LAMA2: variants seen among roughly 807,000 people sequenced by gnomAD.
LAMA2 encodes laminin subunit alpha 2.
A neutral mutation model predicts 364.8 loss-of-function variants in LAMA2; 269 were observed. That is an observed-to-expected ratio of 0.74 (90% CI 0.67 to 0.82). The LOEUF is 0.82. Ranked by LOEUF, LAMA2 falls within the 40% of genes least tolerant of loss-of-function variation. LAMA2 has a pLI of 0.00. For missense variants in LAMA2, 3,807 were observed against 3,873.2 expected (o/e 0.98, Z 0.45); for synonymous variants, 1,379 against 1,370.6 (o/e 1.01, Z -0.14).
intron 12 of LAMA2, among the ~76,000 whole-genome samples, chr6:129,228,285 G>T (rs1286735489): frequency 6.6e-6 from 1 of 152,102 alleles, no homozygotes; most frequent in Non-Finnish European, 1.5e-5. Flanking sequence ...TCCCGGGTGA[G>T]GTGATGCCTC....
intron 1 of LAMA2, among the ~76,000 whole-genome samples, chr6:128,983,308 AC>A (rs918169657): frequency 6.6e-6 from 1 of 151,938 alleles, no homozygotes; most frequent in Non-Finnish European, 1.5e-5. Context: ...TGCCATTCTA[AC>A]TGGTGTGAGA....
chr6:129,036,947 G>T (rs1018304766), intron 1 of LAMA2, among the ~76,000 whole-genome samples: 1 of 152,174 alleles, frequency 6.6e-6, no homozygotes, highest in African/African-American at 2.4e-5. Flanking sequence ...CTAGCTGTCT[G>T]CAGTGCACAG....
At chr6:129,302,846 T>C (rs1033588229) in intron 22 of LAMA2, among the ~76,000 whole-genome samples, 4 of 152,158 alleles carry the variant, frequency 2.6e-5, no homozygotes, top group Non-Finnish European at 5.9e-5. Flanking sequence ...AGTTAATATG[T>C]TAATTATTGT....
intron 39 of LAMA2, among the ~76,000 whole-genome samples, chr6:129,403,294 A>G (rs1562532378): frequency 6.6e-6 from 1 of 152,218 alleles, no homozygotes; most frequent in Non-Finnish European, 1.5e-5. Context: ...GCCACTTTAT[A>G]ATGAAGGGTG....
intron 1 of LAMA2, among the ~76,000 whole-genome samples, chr6:128,922,138 T>C (rs1166979138): frequency 6.6e-6 from 1 of 152,116 alleles, no homozygotes; most frequent in African/African-American, 2.4e-5. Flanking sequence ...TCCAAGTCTT[T>C]GCTATTGTGA....
At chr6:128,938,357 A>G (rs771910831) in intron 1 of LAMA2, among the ~76,000 whole-genome samples, 9 of 152,196 alleles carry the variant, frequency 5.9e-5, no homozygotes, top group Non-Finnish European at 1.2e-4. Flanking sequence ...CTAATGTTTT[A>G]TGAGGTCCTT....
chr6:128,969,480 G>A (rs1355007894), intron 1 of LAMA2, among the ~76,000 whole-genome samples: 1 of 152,012 alleles, frequency 6.6e-6, no homozygotes, highest in East Asian at 1.9e-4. Flanking sequence ...TGCCCAGGCT[G>A]GAGTGTAGTG....
At chr6:129,042,386 C>A (rs1408867271) in intron 1 of LAMA2, among the ~76,000 whole-genome samples, 1 of 151,934 alleles carries the variant, frequency 6.6e-6, no homozygotes, top group Non-Finnish European at 1.5e-5. Context: ...CATATCTATC[C>A]ATCTGAACAT....
Position 129,177,841 on chromosome 6 carries a change from C to T in LAMA2, c.1442C>T (p.Pro481Leu), listed in dbSNP as rs1562304377. ...CSGLGSKNEDPCFGPCICKEN... is the reference protein window; with the variant it reads ...CSGLGSKNEDLCFGPCICKEN... ...GGGTTAGGGAGCAAAAATGAGGATCCTTGTTTTGGCCCCTGTATCTGCAAG... is the reference window on the plus strand; with the variant it reads ...GGGTTAGGGAGCAAAAATGAGGATCTTTGTTTTGGCCCCTGTATCTGCAAG... The change falls in exon 10 of 65, where the codon CCT becomes CTT. Residue 481 changes from proline to leucine, a missense_variant. This residue lies in a region of LAMA2 where 3,333 missense variants were observed against 3,345.7 expected (regional missense o/e 1.00). Coordinates refer to ENST00000421865, the MANE Select transcript of LAMA2 (RefSeq NM_000426.4). The T allele has an allele frequency of 1.2e-6, 2 of 1,613,874 alleles. No individual in the cohort carries two copies. Among genetic ancestry groups the T allele is most frequent in the African/African-American group, 1.3e-5 (1 of 75,014 alleles).
Position 129,320,236 on chromosome 6 carries a change from C to T in LAMA2, c.4059-302C>T, listed in dbSNP as rs550457828. 6.6e-5 allele frequency among the ~76,000 whole-genome samples: 10 copies of T among 152,140 alleles called. No individual in the cohort carries two copies. In the East Asian group the frequency reaches 1.4e-3, roughly 21 times the overall value. On this transcript the variant is annotated intron_variant, in intron 27 of 64. Coordinates refer to ENST00000421865, the MANE Select transcript of LAMA2 (RefSeq NM_000426.4). Reference sequence around the variant, plus strand: ...GGATCATTGTAAAGGTCTTCATCCTCGTTGTCTTCATTTTGAGCAGACTAA... The same window carrying T: ...GGATCATTGTAAAGGTCTTCATCCTTGTTGTCTTCATTTTGAGCAGACTAA...
At position 129,142,515 on chromosome 6, in the gene LAMA2, A is replaced by C. The variant is rs180961681; in HGVS notation, c.640-1386A>C. Among the ~76,000 whole-genome samples, 3 of 152,150 alleles carry C rather than the reference A, an allele frequency of 2.0e-5. No individual in the cohort carries two copies. The East Asian group carries it at 5.8e-4, about 29-fold the overall frequency. ...CATCACATTTGGGATTAGGGTTTCA[A>C]CATATGAATTTTAGTAGGGGGGAGG... On this transcript the variant is annotated intron_variant, in intron 4 of 64. Coordinates refer to ENST00000421865, the MANE Select transcript of LAMA2 (RefSeq NM_000426.4).
chr6:129,277,626 A>G (rs748640549), intron 17 of LAMA2, among the ~76,000 whole-genome samples: 6 of 152,174 alleles, frequency 3.9e-5, no homozygotes, highest in Non-Finnish European at 8.8e-5. Flanking sequence ...TAAGAATCTA[A>G]AGTCCTAGAT....
At chr6:129,223,829 C>CT (rs1402881731) in intron 12 of LAMA2, among the ~76,000 whole-genome samples, 1 of 152,058 alleles carries the variant, frequency 6.6e-6, no homozygotes, top group Non-Finnish European at 1.5e-5. Context: ...AATGTGGGCT[C>CT]TTTTTTGGTT....
intron 8 of LAMA2, among the ~76,000 whole-genome samples, chr6:129,159,450 G>A (rs1779328564): frequency 6.6e-6 from 1 of 152,234 alleles, no homozygotes. Context: ...GGGTGATGGA[G>A]GCGCCCCGGC....
intron 12 of LAMA2, among the ~76,000 whole-genome samples, chr6:129,210,613 ATG>A (rs1478139112): frequency 2.0e-5 from 3 of 152,192 alleles, no homozygotes; most frequent in Non-Finnish European, 4.4e-5. Flanking sequence ...CTTTCTGAAT[ATG>A]TGTTAACAGT....
chr6:129,078,193 G>A (rs760761482), intron 3 of LAMA2, among the ~76,000 whole-genome samples: 42 of 151,724 alleles, frequency 2.8e-4, no homozygotes, highest in African/African-American at 4.4e-4. Context: ...GGAGTGCAGT[G>A]GCACAATGTC....
rs773403088 is a variant in LAMA2 at position 129,514,510 on chromosome 6, T to C, written c.9126T>C (p.Asp3042=). ...AACACCGCATTGAGCTCACAGTCGA[T>C]GGGAACCAGGTGGAAGCCCAAAGCC... ...KIKHRIELTV[D]GNQVEAQSPN... is the part of the protein sequence containing the mutation. Residue 3042 remains aspartate (D), a synonymous_variant, in exon 64 of 65, where the codon GAT becomes GAC. Transcript: ENST00000421865. The C allele has an allele frequency of 6.2e-7, 1 of 1,614,094 alleles. No individual in the cohort carries two copies. The highest frequency in any genetic ancestry group is 8.5e-7 in the Non-Finnish European group (1 of 1,179,990).
At position 129,502,466 on chromosome 6, in the gene LAMA2, T is replaced by C. The variant is rs7774592; in HGVS notation, c.8245-193T>C. ...TTCCTTTAGCCATTCCAGGGTGTGA[T>C]ATGAGAAAACTGATTCACACGCACT... On this transcript the variant is annotated intron_variant, in intron 58 of 64. Transcript: ENST00000421865. Among the ~76,000 whole-genome samples, 101,922 of 152,122 alleles carry C rather than the reference T, an allele frequency of 0.67. 34,776 individuals are homozygous for C. The highest frequency in any genetic ancestry group is 0.76 in the Middle Eastern group (224 of 294).
At chr6:129,311,460 C>A (rs1774227042) in intron 22 of LAMA2, among the ~76,000 whole-genome samples, 1 of 152,106 alleles carries the variant, frequency 6.6e-6, no homozygotes, top group Non-Finnish European at 1.5e-5. Context: ...TGTGGTGGGC[C>A]GCCATTATGG....
Sources: allele counts gnomAD v4.1 joint callset (sites outside exome capture counted in the v4.1 genomes callset), GRCh38; gene constraint gnomAD v4.1.1; regional missense constraint gnomAD v4.1.1; transcripts MANE v1.5; gene names NCBI Gene and HGNC (gene_info 2026-07-23, HGNC 2026-07-21).